The following SLC17A5 variants were observed in gnomAD, a reference collection of about 807,000 sequenced individuals.
SLC17A5 encodes sialin.
Under a neutral mutation model 59.4 loss-of-function variants are expected in SLC17A5, and 47 were observed. That is an observed-to-expected ratio of 0.79 (90% CI 0.63 to 1.01). The LOEUF is 1.01. SLC17A5 is among the 50% of genes least tolerant of loss of function. The pLI is 0.00. For synonymous variants in SLC17A5, 202 were observed against 210.7 expected, an observed-to-expected ratio of 0.96 and a Z score of 0.36; for missense variants, 522 against 595.5, an observed-to-expected ratio of 0.88 and a Z score of 1.28.
At chr6:73,624,246 A>G (rs1768293530) in intron 6 of SLC17A5, among the ~76,000 whole-genome samples, 3 of 151,918 alleles carry the variant, frequency 2.0e-5, no homozygotes, top group South Asian at 2.1e-4. Context: ...TCTACTAAAA[A>G]TACAAAAATT....
intron 1 of SLC17A5, among the ~76,000 whole-genome samples, chr6:73,646,392 A>AT (rs548935226): frequency 6.5e-4 from 99 of 151,414 alleles, no homozygotes; most frequent in African/African-American, 2.1e-3. Context: ...AACTGCTATT[A>AT]TTTTTTTTTC....
intron 1 of SLC17A5, among the ~76,000 whole-genome samples, chr6:73,647,071 T>A (rs1443730205): frequency 2.0e-5 from 3 of 152,250 alleles, no homozygotes; most frequent in Admixed American, 2.0e-4. Flanking sequence ...TGCATTAAAA[T>A]GTGTTACTTT....
In SLC17A5 at chr6:73,615,344, A is replaced by G. The variant is rs1767807466; in HGVS notation, c.1082T>C (p.Leu361Ser). 5 of 1,614,122 alleles carry G rather than the reference A, an allele frequency of 3.1e-6. No homozygotes were observed. In the East Asian group the frequency reaches 1.1e-4, roughly 36 times the overall value. Reference protein sequence around the residue: ...NLRAKWNFSTLCVRRIFSLIG... With the variant: ...NLRAKWNFSTSCVRRIFSLIG... ...AAGGCTAAAAATTCTGCGAACACAT[A>G]AAGTTGAAAAATTCCATTTTGCCCT... The change falls in exon 8 of 11, where the codon TTA becomes TCA. Residue 361 changes from leucine to serine, a missense_variant. By Grantham distance (145) the Leu-to-Ser change is moderately radical. Coordinates refer to ENST00000355773, the MANE Select transcript of SLC17A5 (RefSeq NM_012434.5).
At chr6:73,653,473 A>C (rs923885876) in intron 1 of SLC17A5, 9 of 984,810 alleles carry the variant, frequency 9.1e-6, no homozygotes, top group Admixed American at 6.2e-5. Context: ...AATAACCACC[A>C]GCTCAGCGCC....
chr6:73,621,767 C>CTA (rs748029048), intron 7 of SLC17A5, 37 bp downstream of exon 7: 8 of 1,459,162 alleles, frequency 5.5e-6, no homozygotes, highest in South Asian at 1.2e-5. Flanking sequence ...TGGTCTTATA[C>CTA]TATATATATA....
chr6:73,615,416 C>A lies in SLC17A5; in HGVS notation c.1010G>T (p.Gly337Val). 1 of 1,613,682 alleles carries A rather than the reference C, an allele frequency of 6.2e-7. No homozygotes were observed. The highest frequency in any genetic ancestry group is 8.5e-7 in the Non-Finnish European group (1 of 1,179,920). Residue 337 changes from glycine (G) to valine (V), a missense_variant, in exon 8 of 11, where the codon GGC (glycine) becomes GTC (valine). By Grantham distance (109) the Gly-to-Val change is moderately radical (BLOSUM62 -3). Transcript: ENST00000355773. ...NGFLSSLPYL[G>V]SWLCMILSGQ... ...AGACAGGATCATACATAACCAAGAG[C>A]CTAAATAAGGCAATGAAGATAAAAA...
chr6:73,641,395 T>C lies in SLC17A5; in HGVS notation c.525+296A>G, dbSNP rs79637915. On this transcript the variant is annotated intron_variant, in intron 3 of 10. Coordinates refer to ENST00000355773, the MANE Select transcript of SLC17A5 (RefSeq NM_012434.5). ...CGCCCGGACTATCTTAACCATTTATTAATGGTTTATTTTCTTCTCTCCTAA... is the reference window on the plus strand; with the variant it reads ...CGCCCGGACTATCTTAACCATTTATCAATGGTTTATTTTCTTCTCTCCTAA... Among the ~76,000 whole-genome samples the C allele has an allele frequency of 7.7e-3, 1,171 of 152,274 alleles. 19 individuals are homozygous for C. The highest frequency in any genetic ancestry group is 0.027 in the African/African-American group (1,120 of 41,546).
chr6:73,617,382 C>A (rs1228323832), intron 7 of SLC17A5, among the ~76,000 whole-genome samples: 2 of 152,018 alleles, frequency 1.3e-5, no homozygotes, highest in Non-Finnish European at 2.9e-5. Flanking sequence ...TTATTTGTGG[C>A]AAAATCCTGT....
rs915122156 is a variant in SLC17A5 at position 73,595,327 on chromosome 6, C to T, written c.1351-113G>A. The T allele has an allele frequency of 4.9e-6, 6 of 1,224,508 alleles. No individual in the cohort carries two copies. The East Asian group carries it at 1.5e-4, about 31-fold the overall frequency. The allele number at this position is 1,224,508 out of a possible 1,614,324, so 75.9% of individuals were successfully genotyped here. On this transcript the variant is annotated intron_variant, in intron 10 of 10. Coordinates refer to ENST00000355773, the MANE Select transcript of SLC17A5 (RefSeq NM_012434.5). ...ACAGCCACATTATTCATAAAAGCCT[C>T]ATCCTTGAAACAACCCAAATGTCCA...
chr6:73,644,471 T>C lies in SLC17A5; in HGVS notation c.227A>G (p.Asp76Gly), dbSNP rs559250113. The change falls in exon 2 of 11, where the codon GAT becomes GGT. Residue 76 changes from aspartate (D) to glycine (G), a missense_variant. Physicochemically the swap from Asp to Gly is moderately conservative, Grantham distance 94. Around this residue, in one of 3 missense-constraint regions of SLC17A5, gnomAD observed 338 missense variants for 363.8 expected, o/e 0.93. Coordinates refer to ENST00000355773, the MANE Select transcript of SLC17A5 (RefSeq NM_012434.5). Reference sequence around the variant, plus strand: ...TGGACACGCCTTGGAAGTTCTATTATCTTCTAAAGTTGTATTTGAATCTAC... The same window carrying C: ...TGGACACGCCTTGGAAGTTCTATTACCTTCTAAAGTTGTATTTGAATCTAC... Reference protein sequence around the residue: ...DMVDSNTTLEDNRTSKACPEH... With the variant: ...DMVDSNTTLEGNRTSKACPEH... The C allele has an allele frequency of 1.9e-6, 3 of 1,614,052 alleles. No individual in the cohort carries two copies. Among genetic ancestry groups the C allele is most frequent in the African/African-American group, 1.3e-5 (1 of 75,056 alleles).
intron 9 of SLC17A5, among the ~76,000 whole-genome samples, chr6:73,602,471 A>ACAAC (rs1485602290): frequency 2.0e-5 from 3 of 151,928 alleles, no homozygotes; most frequent in African/African-American, 7.3e-5. Context: ...AACAACAACA[A>ACAAC]AAAACATTAA....
At chr6:73,642,087 A>C (rs1395440911) in intron 2 of SLC17A5, among the ~76,000 whole-genome samples, 163 bp from the exon 3 acceptor site, 1 of 152,242 alleles carries the variant, frequency 6.6e-6, no homozygotes, top group Non-Finnish European at 1.5e-5. Flanking sequence ...AACAATATAG[A>C]TATACAGTAT....
At chr6:73,623,919 G>C (rs1267034919) in intron 6 of SLC17A5, among the ~76,000 whole-genome samples, 1 of 150,242 alleles carries the variant, frequency 6.7e-6, no homozygotes, top group Non-Finnish European at 1.5e-5. Context: ...GGATGGTCTC[G>C]ATCTCCTGAC....
chr6:73,597,944 T>G (rs1450696863), intron 10 of SLC17A5, among the ~76,000 whole-genome samples: 2 of 152,166 alleles, frequency 1.3e-5, no homozygotes, highest in Non-Finnish European at 2.9e-5. Flanking sequence ...GTGGCTATAC[T>G]TGTCTGAGAT....
chr6:73,653,368 T>TA (rs1769960159), intron 1 of SLC17A5: 7 of 985,424 alleles, frequency 7.1e-6, no homozygotes, highest in Non-Finnish European at 8.4e-6. Flanking sequence ...AGTTTGCTCT[T>TA]ACACCGGGGT....
chr6:73,653,981 CG>C lies in SLC17A5; in HGVS notation c.-96del. The C allele has an allele frequency of 9.8e-7, 1 of 1,018,524 alleles. No individual in the cohort carries two copies. The highest frequency in any genetic ancestry group is 1.4e-6 in the Non-Finnish European group (1 of 714,872). The allele number at this position is 1,018,524 out of a possible 1,614,324, so 63.1% of individuals were successfully genotyped here. On this transcript the variant is annotated 5_prime_UTR_variant, in exon 1 of 11. Transcript: ENST00000355773. ...CCCGGGCCGAGCTGGCTGGACCGGG[CG>C]GGGCGGGGGCGATGACACCGCCCCG...
intron 8 of SLC17A5, 34 bp downstream of exon 8, chr6:73,615,281 G>C: frequency 6.2e-7 from 1 of 1,611,102 alleles, no homozygotes; most frequent in Non-Finnish European, 8.5e-7. Flanking sequence ...GTAAATAACT[G>C]TAAACCAAAA....
chr6:73,636,639 A>T lies in SLC17A5; in HGVS notation c.682T>A (p.Tyr228Asn), dbSNP rs765162246. ...AACTTACCAAAAAAGTAGAAGACAT[A>T]AGTCCAATTCATATAGTAGCAAATT... The part of the protein sequence containing the change: ...GIICYYMNWT[Y>N]VFYFFGTIGI... Residue 228 changes from tyrosine to asparagine, a missense_variant, in exon 5 of 11, where the codon TAT becomes AAT. By Grantham distance (143) the Tyr-to-Asn change is moderately radical (BLOSUM62 -2). This residue lies in a region of SLC17A5 where 338 missense variants were observed against 363.8 expected (regional missense o/e 0.93). Coordinates refer to ENST00000355773, the MANE Select transcript of SLC17A5 (RefSeq NM_012434.5). The T allele has an allele frequency of 6.2e-7, 1 of 1,601,984 alleles. No individual in the cohort carries two copies. The highest frequency in any genetic ancestry group is 1.7e-5 in the Admixed American group (1 of 59,994).
intron 1 of SLC17A5, 138 bp downstream of exon 1, chr6:73,653,655 C>T (rs930168576): frequency 6.9e-6 from 7 of 1,015,582 alleles, no homozygotes; most frequent in East Asian, 5.4e-5. Flanking sequence ...AACGGGCTCC[C>T]CTCTTAATGT....
Sources: allele counts gnomAD v4.1 joint callset (sites outside exome capture counted in the v4.1 genomes callset), GRCh38; gene constraint gnomAD v4.1.1; regional missense constraint gnomAD v4.1.1; transcripts MANE v1.5; gene names NCBI Gene and HGNC (gene_info 2026-07-23, HGNC 2026-07-21).